Variants in DNAH7 observed in about 807,000 individuals in gnomAD.
The protein encoded by DNAH7 is dynein axonemal heavy chain 7, also known as axonemal beta dynein heavy chain 7.
DNAH7 carries 397 observed loss-of-function variants against 444.6 expected under a neutral mutation model. That is an observed-to-expected ratio of 0.89 (90% CI 0.82 to 0.97). DNAH7 has a LOEUF of 0.97. DNAH7 is among the 50% of genes least tolerant of loss of function. The pLI, the probability that DNAH7 is intolerant of heterozygous loss-of-function variation, is 0.00. For missense variants in DNAH7, 4,902 were observed against 4,800.8 expected (o/e 1.02, Z -0.62); for synonymous variants, 1,636 against 1,624.4 (o/e 1.01, Z -0.17).
intron 61 of DNAH7, among the ~76,000 whole-genome samples, chr2:195,769,997 A>C (rs1694761160): frequency 6.6e-6 from 1 of 152,170 alleles, no homozygotes; most frequent in African/African-American, 2.4e-5. Flanking sequence ...TTCTACATCA[A>C]ATCTGTTCCT....
At chr2:195,824,206 G>T (rs1697601852) in intron 49 of DNAH7, 49 bp downstream of exon 49, 1 of 1,516,984 alleles carries the variant, frequency 6.6e-7, no homozygotes, top group Non-Finnish European at 9.0e-7. Flanking sequence ...GGAATATATA[G>T]TCACTAATTA....
At chr2:196,015,843 A>G (rs1022800379) in intron 9 of DNAH7, among the ~76,000 whole-genome samples, 1 of 152,208 alleles carries the variant, frequency 6.6e-6, no homozygotes, top group Non-Finnish European at 1.5e-5. Flanking sequence ...TCAGAGGGGT[A>G]GCCCTTGTTG....
intron 24 of DNAH7, among the ~76,000 whole-genome samples, chr2:195,918,764 T>C (rs1465923302): frequency 6.6e-6 from 1 of 152,126 alleles, no homozygotes; most frequent in East Asian, 1.9e-4. Context: ...GGAAATTATA[T>C]GTGGAGCAAG....
chr2:195,842,618 G>T (rs1698752020), intron 47 of DNAH7, among the ~76,000 whole-genome samples: 1 of 152,056 alleles, frequency 6.6e-6, no homozygotes, highest in African/African-American at 2.4e-5. Flanking sequence ...TAGTATAGTT[G>T]CTACCACAAC....
chr2:195,859,341 C>T (rs532133646), intron 42 of DNAH7, among the ~76,000 whole-genome samples: 8 of 151,908 alleles, frequency 5.3e-5, no homozygotes, highest in African/African-American at 1.9e-4. Context: ...AGCTCAATAC[C>T]CTGTTTGGTG....
At chr2:195,752,100 G>A (rs113490338) in intron 63 of DNAH7, among the ~76,000 whole-genome samples, 4 of 152,094 alleles carry the variant, frequency 2.6e-5, no homozygotes, top group South Asian at 2.1e-4. Flanking sequence ...GGGAGACCCT[G>A]TCTATACAAA....
Position 196,012,879 on chromosome 2 carries a change from T to C in DNAH7, c.897A>G (p.Glu299=). 1 of 1,522,124 alleles carries C rather than the reference T, an allele frequency of 6.6e-7. No homozygotes were observed. The highest frequency in any genetic ancestry group is 8.8e-7 in the Non-Finnish European group (1 of 1,136,442). The allele number at this position is 1,522,124 out of a possible 1,614,324, so 94.3% of individuals were successfully genotyped here. A position where few individuals can be genotyped will look rare whatever the true frequency, so the allele number is the denominator to read the frequency against. The change falls in exon 10 of 65, where the codon GAA becomes GAG. Residue 299 remains glutamate (E), a synonymous_variant. Coordinates refer to ENST00000312428, the MANE Select transcript of DNAH7 (RefSeq NM_018897.3). The part of the protein sequence containing the change: ...FKKLRLVDIK[E]FHNCQDALEL... The stretch of plus-strand genomic sequence containing the variant: ...CTAATGCATCCTGGCAATTATGAAA[T>C]TCTTTGATATCAACTAAACGTAATT...
At chr2:195,787,517 A>C (rs756868835) in intron 57 of DNAH7, among the ~76,000 whole-genome samples, 1 of 152,166 alleles carries the variant, frequency 6.6e-6, no homozygotes, top group Non-Finnish European at 1.5e-5. Flanking sequence ...CTCCCAGATC[A>C]CCATGGAGAA....
intron 24 of DNAH7, among the ~76,000 whole-genome samples, chr2:195,912,394 G>A (rs146514273): frequency 1.3e-5 from 2 of 152,184 alleles, no homozygotes; most frequent in East Asian, 3.8e-4. Context: ...GAAACAGAGA[G>A]ATGTGTTCCC....
intron 61 of DNAH7, among the ~76,000 whole-genome samples, chr2:195,759,143 G>T (rs1694222717): frequency 6.6e-6 from 1 of 152,174 alleles, no homozygotes; most frequent in South Asian, 2.1e-4. Context: ...CTTCCTTACT[G>T]CTTGAGGAGA....
intron 8 of DNAH7, among the ~76,000 whole-genome samples, chr2:196,020,164 C>T (rs1401511078): frequency 6.6e-6 from 1 of 150,962 alleles, no homozygotes; most frequent in African/African-American, 2.5e-5. Flanking sequence ...ATACATATAA[C>T]ACATAAAATA....
intron 12 of DNAH7, among the ~76,000 whole-genome samples, chr2:195,990,186 T>C (rs528754317): frequency 6.6e-6 from 1 of 152,360 alleles, no homozygotes; most frequent in Non-Finnish European, 1.5e-5. Flanking sequence ...CTATATTTTC[T>C]TCTAGCAGTT....
intron 5 of DNAH7, among the ~76,000 whole-genome samples, chr2:196,034,600 T>C (rs1696267248): frequency 6.6e-6 from 1 of 152,176 alleles, no homozygotes; most frequent in African/African-American, 2.4e-5. Flanking sequence ...AGAATAAATT[T>C]TGAGGGCTTA....
At position 195,923,718 on chromosome 2, in the gene DNAH7, T is replaced by G. The variant is rs761135000; in HGVS notation, c.3702A>C (p.Val1234=). ...CCAGTACCACAAGTGCTCCCAGAGTTACGCGATTCTGCATGGACAATTTGC... is the reference window on the plus strand; with the variant it reads ...CCAGTACCACAAGTGCTCCCAGAGTGACGCGATTCTGCATGGACAATTTGC... ...VRGKLSMQNR[V]TLGALVVLDV... The change falls in exon 23 of 65, where the codon GTA becomes GTC. Residue 1234 remains valine, a synonymous_variant. Transcript: ENST00000312428. 1.2e-6 allele frequency: 2 copies of G among 1,614,168 alleles called. No individual in the cohort carries two copies. Among genetic ancestry groups the G allele is most frequent in the South Asian group, 1.1e-5 (1 of 91,080 alleles).
At chr2:195,982,998 A>C (rs930526574) in intron 15 of DNAH7, among the ~76,000 whole-genome samples, 1 of 152,228 alleles carries the variant, frequency 6.6e-6, no homozygotes, top group Non-Finnish European at 1.5e-5. Flanking sequence ...TGTCTGAAAC[A>C]CAAAGGATAA....
intron 5 of DNAH7, among the ~76,000 whole-genome samples, chr2:196,038,933 G>A (rs1346348388): frequency 6.6e-6 from 1 of 152,078 alleles, no homozygotes; most frequent in Non-Finnish European, 1.5e-5. Flanking sequence ...ACAATAGAAA[G>A]GGACTTTAAT....
intron 54 of DNAH7, among the ~76,000 whole-genome samples, chr2:195,802,449 G>T (rs1191969947): frequency 6.6e-6 from 1 of 152,120 alleles, no homozygotes; most frequent in Non-Finnish European, 1.5e-5. Flanking sequence ...GCAATGAGTC[G>T]AGATTATGCC....
At chr2:195,956,149 A>G (rs1038484302) in intron 19 of DNAH7, among the ~76,000 whole-genome samples, 1 of 152,218 alleles carries the variant, frequency 6.6e-6, no homozygotes, top group Non-Finnish European at 1.5e-5. Flanking sequence ...GGATTATAGT[A>G]ACAGCTCTTA....
At chr2:195,818,098 T>G (rs1026510768) in intron 49 of DNAH7, among the ~76,000 whole-genome samples, 1 of 152,202 alleles carries the variant, frequency 6.6e-6, no homozygotes, top group African/African-American at 2.4e-5. Flanking sequence ...CTAGTCCAAT[T>G]TCTGAGAACT....
Sources: allele counts gnomAD v4.1 joint callset (sites outside exome capture counted in the v4.1 genomes callset), GRCh38; gene constraint gnomAD v4.1.1; transcripts MANE v1.5; gene names NCBI Gene and HGNC (gene_info 2026-07-23, HGNC 2026-07-21).